Variants in ABHD10 observed in about 807,000 individuals in gnomAD.
The protein encoded by ABHD10 is abhydrolase domain containing 10, depalmitoylase.
ABHD10 carries 22 observed loss-of-function variants against 33.1 expected under a neutral mutation model. The ratio of observed to expected loss-of-function variants is 0.66; its 90% CI spans 0.47 to 0.95. ABHD10 has a LOEUF of 0.95. Among genes scored for constraint, ABHD10 ranks in the 40% least tolerant of loss-of-function variants. ABHD10 has a pLI of 0.00. For synonymous variants in ABHD10, 146 were observed against 133.9 expected (o/e 1.09, Z -0.62); for missense variants, 352 against 379.9 (o/e 0.93, Z 0.61).
At chr3:111,987,157 A>G in intron 4 of ABHD10, 106 bp downstream of exon 4, 1 of 1,354,880 alleles carries the variant, frequency 7.4e-7, no homozygotes, top group Non-Finnish European at 1.0e-6. Context: ...AATTCCTTTG[A>G]CTTACTGTGC....
In ABHD10 at chr3:111,991,593, C is replaced by T; in HGVS notation, c.793C>T (p.Leu265Phe). The change falls in exon 5 of 5, where the codon CTC becomes TTC. Residue 265 changes from leucine to phenylalanine, a missense_variant. Transcript: ENST00000273359. ...HTSMQVADRV[L>F]STDVDVILRK... ...ATCAATGCAGGTTGCCGATCGAGTA[C>T]TCAGCACAGATGTGGATGTCATCCT... 4 of 1,614,124 alleles carry T rather than the reference C, an allele frequency of 2.5e-6. No homozygotes were observed. The highest frequency in any genetic ancestry group is 3.4e-6 in the Non-Finnish European group (4 of 1,179,984).
intron 1 of ABHD10, 35 bp from the exon 2 acceptor site, chr3:111,981,749 C>G (rs1472701250): frequency 6.8e-7 from 1 of 1,470,292 alleles, no homozygotes; most frequent in East Asian, 2.3e-5. Context: ...ACTGAGTTTA[C>G]AAACCATAGT....
intron 1 of ABHD10, among the ~76,000 whole-genome samples, chr3:111,980,114 G>T (rs1239044341): frequency 6.6e-6 from 1 of 152,066 alleles, no homozygotes; most frequent in Admixed American, 6.5e-5. Context: ...GATGATTTAT[G>T]AATATAATTA....
In ABHD10 at chr3:111,991,624, A is replaced by G. The variant is rs1243333614; in HGVS notation, c.824A>G (p.Lys275Arg). Residue 275 changes from lysine (K) to arginine (R), a missense_variant, in exon 5 of 5, where the codon AAA becomes AGA. Coordinates refer to ENST00000273359, the MANE Select transcript of ABHD10 (RefSeq NM_018394.4). ...ACAGATGTGGATGTCATCCTCCGAA[A>G]ACACAGTGATCACCGAATGAGGGAA... ...LSTDVDVILR[K>R]HSDHRMREKA... 6.2e-7 allele frequency: 1 copy of G among 1,614,118 alleles called. No individual in the cohort carries two copies. Among genetic ancestry groups the G allele is most frequent in the East Asian group, 2.2e-5 (1 of 44,886 alleles).
chr3:111,979,521 A>G (rs1393548806), intron 1 of ABHD10, among the ~76,000 whole-genome samples: 1 of 152,262 alleles, frequency 6.6e-6, no homozygotes, highest in African/African-American at 2.4e-5. Context: ...CATTTAATGC[A>G]TTATTATTAG....
chr3:111,991,781 A>C lies in ABHD10; in HGVS notation c.*60A>C. 7.6e-7 allele frequency: 1 copy of C among 1,319,962 alleles called. No homozygotes were observed. The highest frequency in any genetic ancestry group is 1.9e-4 in the Middle Eastern group (1 of 5,382). The allele number at this position is 1,319,962 out of a possible 1,614,324, so 81.8% of individuals were successfully genotyped here. On this transcript the variant is annotated 3_prime_UTR_variant, in exon 5 of 5. Coordinates refer to ENST00000273359, the MANE Select transcript of ABHD10 (RefSeq NM_018394.4). ...TCCAGAAGATTGGAAGAGGGATAAG[A>C]AATGAAAGATCCTGATACTTTAGGT... is the stretch of plus-strand genomic sequence containing the variant.
intron 2 of ABHD10, chr3:111,982,177 C>G: frequency 2.7e-6 from 1 of 375,616 alleles, no homozygotes; most frequent in Non-Finnish European, 4.7e-6. Context: ...ACAACCCTGG[C>G]AGAAAAGGAC....
At position 111,992,763 on chromosome 3, in the gene ABHD10, G is replaced by A. The variant is rs1487373669; in HGVS notation, c.*1042G>A. On this transcript the variant is annotated 3_prime_UTR_variant, in exon 5 of 5. Coordinates refer to ENST00000273359, the MANE Select transcript of ABHD10 (RefSeq NM_018394.4). ...CATGTGTATAAGATGAGCATGTGTC[G>A]AAGACTTATTCGACTCATTAATGAG... The A allele has an allele frequency of 6.6e-6, 1 of 152,090 alleles. No individual in the cohort carries two copies. The highest frequency in any genetic ancestry group is 1.5e-5 in the Non-Finnish European group (1 of 68,026). The allele number at this position is 152,090 out of a possible 1,614,324, so 9.4% of individuals were successfully genotyped here.
chr3:111,990,351 ATT>A (rs1408273301), intron 4 of ABHD10, among the ~76,000 whole-genome samples: 2 of 152,104 alleles, frequency 1.3e-5, no homozygotes, highest in East Asian at 3.9e-4. Context: ...ATATGTATGT[ATT>A]TTACATATTA....
rs557807772 is a variant in ABHD10 at position 111,979,242 on chromosome 3, G to C, written c.142+39G>C. 1.1e-4 allele frequency: 176 copies of C among 1,563,384 alleles called. No individual in the cohort carries two copies. The Middle Eastern group carries it at 4.6e-3, about 41-fold the overall frequency. ...AGGCGGGAGTAGGATGCGTTCTTTC[G>C]AACGCCTCGGGTTCCGTCAGTTACC... is the stretch of plus-strand genomic sequence containing the variant. On this transcript the variant is annotated intron_variant, in intron 1 of 4. Transcript: ENST00000273359.
chr3:111,980,589 C>A (rs910668437), intron 1 of ABHD10, among the ~76,000 whole-genome samples: 1 of 152,094 alleles, frequency 6.6e-6, no homozygotes, highest in African/African-American at 2.4e-5. Context: ...AAAAAAATAT[C>A]TACTTGTTTC....
At position 111,986,380 on chromosome 3, in the gene ABHD10, CTG is replaced by C; in HGVS notation, c.438+7_438+8del. ...GACTTAGCTGATGGGCCACAGGTGA[CTG>C]TTTTGTTAAGTATGATGATAATTAC... On this transcript the variant is annotated splice_donor_region_variant and intron_variant, in intron 3 of 4. Transcript: ENST00000273359. The C allele has an allele frequency of 6.3e-7, 1 of 1,579,200 alleles. No individual in the cohort carries two copies. Among genetic ancestry groups the C allele is most frequent in the Non-Finnish European group, 8.7e-7 (1 of 1,150,010 alleles).
At chr3:111,981,531 C>T (rs2072585346) in intron 1 of ABHD10, among the ~76,000 whole-genome samples, 1 of 151,950 alleles carries the variant, frequency 6.6e-6, no homozygotes, top group South Asian at 2.1e-4. Flanking sequence ...AAATTCCTAC[C>T]GCATTGTGTA....
intron 1 of ABHD10, among the ~76,000 whole-genome samples, chr3:111,980,958 A>T (rs374759244): frequency 2.0e-5 from 3 of 152,232 alleles, no homozygotes; most frequent in African/African-American, 7.2e-5. Context: ...TCCTCCTTTG[A>T]AACAATTTTG....
At chr3:111,981,379 T>C (rs565192361) in intron 1 of ABHD10, among the ~76,000 whole-genome samples, 208 of 151,494 alleles carry the variant, frequency 1.4e-3, no homozygotes, top group African/African-American at 4.8e-3. Context: ...AAAATAAATT[T>C]AAAAACAAAG....
intron 1 of ABHD10, among the ~76,000 whole-genome samples, chr3:111,980,510 A>G (rs1049053199): frequency 6.6e-6 from 1 of 152,202 alleles, no homozygotes; most frequent in African/African-American, 2.4e-5. Flanking sequence ...TATTAGTCCA[A>G]AGACTCTAAG....
Position 111,979,061 on chromosome 3 carries a change from G to C in ABHD10, c.-1G>C, listed in dbSNP as rs1298282652. On this transcript the variant is annotated 5_prime_UTR_variant, in exon 1 of 5. Coordinates refer to ENST00000273359, the MANE Select transcript of ABHD10 (RefSeq NM_018394.4). ...TGCAGGGTGCGGGGACAACTACGAAGATGGCGGTTGCGCGCTTGGCAGCTG... is the reference window on the plus strand; with the variant it reads ...TGCAGGGTGCGGGGACAACTACGAACATGGCGGTTGCGCGCTTGGCAGCTG... The C allele has an allele frequency of 6.2e-7, 1 of 1,612,800 alleles. No homozygotes were observed. Among genetic ancestry groups the C allele is most frequent in the Non-Finnish European group, 8.5e-7 (1 of 1,179,490 alleles).
At chr3:111,990,777 A>T in intron 4 of ABHD10, 1 of 1,184,504 alleles carries the variant, frequency 8.4e-7, no homozygotes, top group Non-Finnish European at 1.1e-6. Context: ...TTACAATGTA[A>T]TTACTCTTAT....
At position 111,981,816 on chromosome 3, in the gene ABHD10, A is replaced by G. The variant is rs1216956651; in HGVS notation, c.175A>G (p.Asn59Asp). The change falls in exon 2 of 5, where the codon AAT (asparagine) becomes GAT (aspartate). Residue 59 changes from asparagine to aspartate, a missense_variant. Physicochemically the swap from Asn to Asp is conservative, Grantham distance 23. Transcript: ENST00000273359. ...CRQKTSLSFLNRPDLPNLAYK... is the reference protein window; with the variant it reads ...CRQKTSLSFLDRPDLPNLAYK... ...ACAAAAGACGTCACTCTCATTCCTT[A>G]ATCGACCAGACCTTCCAAACCTGGC... The G allele has an allele frequency of 6.3e-7, 1 of 1,588,906 alleles. No homozygotes were observed. Among genetic ancestry groups the G allele is most frequent in the Non-Finnish European group, 8.6e-7 (1 of 1,161,812 alleles).
Sources: allele counts gnomAD v4.1 joint callset (sites outside exome capture counted in the v4.1 genomes callset), GRCh38; gene constraint gnomAD v4.1.1; transcripts MANE v1.5; gene names NCBI Gene and HGNC (gene_info 2026-07-23, HGNC 2026-07-21).